Variants in DOK6 observed in about 807,000 individuals in gnomAD.
DOK6 encodes the protein downstream of tyrosine kinase 6.
In DOK6, 22 loss-of-function variants were observed where a neutral mutation model predicts 44.0. The ratio of observed to expected loss-of-function variants is 0.50; its 90% CI spans 0.36 to 0.71. The LOEUF (loss-of-function observed/expected upper bound fraction) is 0.71. Ranked by LOEUF, DOK6 falls within the 30% of genes least tolerant of loss-of-function variation. The pLI is 0.00. For missense variants in DOK6, 340 were observed against 416.4 expected (o/e 0.82, Z 1.60); for synonymous variants, 166 against 145.5 (o/e 1.14, Z -1.01).
chr18:69,539,354 G>A (rs966598276), intron 1 of DOK6, among the ~76,000 whole-genome samples: 1 of 151,976 alleles, frequency 6.6e-6, no homozygotes, highest in Non-Finnish European at 1.5e-5. Flanking sequence ...GAATTCTGTA[G>A]TGGAAACTTA....
intron 6 of DOK6, among the ~76,000 whole-genome samples, chr18:69,757,326 G>C (rs1019001739): frequency 7.2e-5 from 11 of 152,178 alleles, no homozygotes; most frequent in African/African-American, 2.7e-4. Flanking sequence ...AACCTTTCAT[G>C]GGTCTCTGCT....
At chr18:69,579,742 T>G (rs1057069962) in intron 2 of DOK6, among the ~76,000 whole-genome samples, 12 of 151,984 alleles carry the variant, frequency 7.9e-5, no homozygotes, top group African/African-American at 2.9e-4. Flanking sequence ...TTTTGTATAT[T>G]TTTGTTTGTT....
chr18:69,533,640 A>C (rs1298913480), intron 1 of DOK6, among the ~76,000 whole-genome samples: 2 of 142,448 alleles, frequency 1.4e-5, no homozygotes, highest in Non-Finnish European at 3.0e-5. Context: ...TAGAAAACTT[A>C]TGTACTTAAA....
chr18:69,565,532 T>C (rs1254355247), intron 2 of DOK6, among the ~76,000 whole-genome samples: 1 of 145,402 alleles, frequency 6.9e-6, no homozygotes. Flanking sequence ...TATATATATA[T>C]ACATAATTTT....
At chr18:69,550,984 A>G (rs529485794) in intron 1 of DOK6, among the ~76,000 whole-genome samples, 1 of 150,248 alleles carries the variant, frequency 6.7e-6, no homozygotes, top group East Asian at 1.9e-4. Context: ...GGATTTCATC[A>G]TGTTGCCCAG....
At chr18:69,824,864 C>T (rs995442084) in intron 7 of DOK6, among the ~76,000 whole-genome samples, 2 of 152,182 alleles carry the variant, frequency 1.3e-5, no homozygotes, top group African/African-American at 4.8e-5. Flanking sequence ...GGAGTCATAT[C>T]CAGGGTATGA....
At chr18:69,422,340 A>G (rs891188631) in intron 1 of DOK6, among the ~76,000 whole-genome samples, 7 of 152,216 alleles carry the variant, frequency 4.6e-5, no homozygotes, top group Admixed American at 2.0e-4. Flanking sequence ...TTATACTTTA[A>G]TCTCACTTTC....
chr18:69,402,172 G>A (rs544758252), intron 1 of DOK6, among the ~76,000 whole-genome samples: 1 of 152,168 alleles, frequency 6.6e-6, no homozygotes, highest in South Asian at 2.1e-4. Context: ...CGCGATGTAG[G>A]GTGGCCTGGG....
intron 3 of DOK6, 104 bp from the exon 4 acceptor site, chr18:69,677,630 T>C (rs1206651362): frequency 2.5e-6 from 4 of 1,583,306 alleles, no homozygotes; most frequent in Non-Finnish European, 2.6e-6. Context: ...TAAAGGCAGG[T>C]TCTTAACTCT....
chr18:69,678,112 G>A (rs960617893), intron 4 of DOK6, among the ~76,000 whole-genome samples: 8 of 152,216 alleles, frequency 5.3e-5, no homozygotes, highest in African/African-American at 1.9e-4. Context: ...AGCTGGGTGT[G>A]GTGGCCCGCA....
intron 2 of DOK6, among the ~76,000 whole-genome samples, chr18:69,567,566 A>G (rs1983013910): frequency 6.6e-6 from 1 of 152,184 alleles, no homozygotes; most frequent in African/African-American, 2.4e-5. Flanking sequence ...AGGTCATAAA[A>G]ACTGAATTAG....
At chr18:69,421,456 G>T (rs1347106059) in intron 1 of DOK6, among the ~76,000 whole-genome samples, 2 of 152,066 alleles carry the variant, frequency 1.3e-5, no homozygotes, top group East Asian at 3.9e-4. Context: ...CTGTAAAATG[G>T]GCATGAAGTA....
chr18:69,662,821 G>C (rs1985563855), intron 3 of DOK6: 1 of 152,192 alleles, frequency 6.6e-6, no homozygotes, highest in Admixed American at 6.5e-5. Flanking sequence ...TGATCTTCAA[G>C]CCAAGTTAAA....
intron 2 of DOK6, among the ~76,000 whole-genome samples, chr18:69,583,969 G>A (rs1241133112): frequency 2.0e-5 from 3 of 151,716 alleles, no homozygotes; most frequent in South Asian, 2.1e-4. Context: ...TTAGCCAGGC[G>A]TGGTGGCGGG....
intron 1 of DOK6, among the ~76,000 whole-genome samples, chr18:69,471,442 T>A (rs1412257611): frequency 6.6e-6 from 1 of 151,654 alleles, no homozygotes; most frequent in African/African-American, 2.4e-5. Context: ...AACAGTATGT[T>A]TGGAAAGGTC....
intron 3 of DOK6, among the ~76,000 whole-genome samples, chr18:69,641,902 T>C (rs1984951592): frequency 6.6e-6 from 1 of 152,190 alleles, no homozygotes; most frequent in African/African-American, 2.4e-5. Flanking sequence ...TCCCCCTCTC[T>C]CTCCAGCCAC....
At chr18:69,566,777 C>G (rs545034852) in intron 2 of DOK6, among the ~76,000 whole-genome samples, 1 of 152,156 alleles carries the variant, frequency 6.6e-6, no homozygotes, top group African/African-American at 2.4e-5. Flanking sequence ...AGCATTTTAC[C>G]TAATTTGGAA....
chr18:69,533,402 CT>C (rs1263386154), intron 1 of DOK6, among the ~76,000 whole-genome samples: 1 of 151,976 alleles, frequency 6.6e-6, no homozygotes, highest in African/African-American at 2.4e-5. Context: ...TAAGTCATGT[CT>C]AATGTCATGC....
intron 7 of DOK6, among the ~76,000 whole-genome samples, chr18:69,829,769 A>G (rs925530515): frequency 6.6e-6 from 1 of 151,836 alleles, no homozygotes; most frequent in African/African-American, 2.4e-5. Flanking sequence ...TACTTTCTAT[A>G]GGAAAAAAAA....
Sources: gnomAD v4.1 joint callset for allele counts (sites outside exome capture counted in the v4.1 genomes callset) on GRCh38, gnomAD v4.1.1 for gene constraint, MANE v1.5 for transcripts, NCBI Gene and HGNC (gene_info 2026-07-23, HGNC 2026-07-21) for gene names.